Variants in OSBP2 observed in about 807,000 individuals in gnomAD.
OSBP2 encodes oxysterol-binding protein 2.
Under a neutral mutation model 96.0 loss-of-function variants are expected in OSBP2, and 66 were observed. The ratio of observed to expected loss-of-function variants is 0.69; its 90% confidence interval spans 0.56 to 0.84. The LOEUF (loss-of-function observed/expected upper bound fraction) is 0.84. OSBP2 is among the 40% of genes least tolerant of loss of function. OSBP2 has a pLI of 0.00. For synonymous variants in OSBP2, 525 were observed against 520.9 expected, an observed-to-expected ratio of 1.01 and a Z score of -0.11; for missense variants, 1,038 against 1,222.7, an observed-to-expected ratio of 0.85 and a Z score of 2.25.
chr22:30,868,068 A>G (rs532607792), intron 2 of OSBP2, among the ~76,000 whole-genome samples: 4 of 152,342 alleles, frequency 2.6e-5, no homozygotes, highest in South Asian at 2.1e-4. Flanking sequence ...GGCAATTTCA[A>G]TGTACCTTTC....
Position 30,871,086 on chromosome 22 carries a change from G to A in OSBP2, c.1107+404G>A, listed in dbSNP as rs1003948274. On this transcript the variant is annotated intron_variant, in intron 3 of 13. Transcript: ENST00000332585. The surrounding 1 kb of genome is among the most constrained non-coding windows in gnomAD (Gnocchi z 4.7). ...TCCTCCTCCCTGGGTTCACTCCCCA[G>A]ATGCAGTGGGAGCAGACGCTGTGCA... Among the ~76,000 whole-genome samples the A allele has an allele frequency of 6.6e-6, 1 of 152,122 alleles. No homozygotes were observed. Among genetic ancestry groups the A allele is most frequent in the Non-Finnish European group, 1.5e-5 (1 of 68,020 alleles).
chr22:30,808,596 C>G (rs1295247147), intron 2 of OSBP2, among the ~76,000 whole-genome samples: 1 of 152,182 alleles, frequency 6.6e-6, no homozygotes, highest in Non-Finnish European at 1.5e-5. Flanking sequence ...CAGATGGAAT[C>G]AAGTCAAGAT....
At chr22:30,902,610 G>T in intron 12 of OSBP2, 9 of 686,780 alleles carry the variant, frequency 1.3e-5, no homozygotes. Context: ...TCCCTTCCAC[G>T]ATCCAACATG....
At position 30,712,047 on chromosome 22, in the gene OSBP2, A is replaced by G. The variant is rs143720900; in HGVS notation, c.644+16494A>G. 5.4e-3 allele frequency among the ~76,000 whole-genome samples: 815 copies of G among 152,304 alleles called. 7 individuals are homozygous for G. Among genetic ancestry groups the G allele is most frequent in the African/African-American group, 0.018 (766 of 41,556 alleles). ...CCAACACTGGTGTAATACACAGGAT[A>G]ATGCAAGTGACCCAAACGGAGATCA... On this transcript the variant is annotated intron_variant, in intron 1 of 13. Coordinates refer to ENST00000332585, the MANE Select transcript of OSBP2 (RefSeq NM_030758.4).
intron 12 of OSBP2, chr22:30,894,288 T>G: frequency 2.8e-6 from 1 of 357,082 alleles, no homozygotes; most frequent in East Asian, 4.7e-5. Flanking sequence ...CCACAGGAAA[T>G]AGAAAACTAT....
At chr22:30,880,435 G>A (rs1380937573) in intron 3 of OSBP2, among the ~76,000 whole-genome samples, 2 of 152,210 alleles carry the variant, frequency 1.3e-5, no homozygotes, top group African/African-American at 4.8e-5. Flanking sequence ...TCCTGTGTGT[G>A]CTAATGGCTG....
At chr22:30,835,846 T>C (rs1249421992) in intron 2 of OSBP2, among the ~76,000 whole-genome samples, 1 of 151,810 alleles carries the variant, frequency 6.6e-6, no homozygotes, top group East Asian at 1.9e-4. Context: ...GCCTCCCAAG[T>C]AGCTGGGACT....
intron 3 of OSBP2, among the ~76,000 whole-genome samples, chr22:30,879,678 G>A (rs2039659566): frequency 1.3e-5 from 2 of 152,234 alleles, no homozygotes; most frequent in Non-Finnish European, 1.5e-5. Context: ...TCTGGGTCTT[G>A]GACACTTAAG....
At chr22:30,848,152 T>G (rs1319741186) in intron 2 of OSBP2, among the ~76,000 whole-genome samples, 2 of 152,196 alleles carry the variant, frequency 1.3e-5, no homozygotes, top group African/African-American at 4.8e-5. Context: ...TTTCATAGTT[T>G]AAATAACCAG....
intron 2 of OSBP2, among the ~76,000 whole-genome samples, chr22:30,821,590 G>C (rs868189717): frequency 1.3e-5 from 2 of 152,100 alleles, no homozygotes; most frequent in South Asian, 4.2e-4. Context: ...ATGGGGGTGC[G>C]GGGATAGGGA....
At chr22:30,753,848 T>A (rs2090108407) in intron 2 of OSBP2, among the ~76,000 whole-genome samples, 1 of 152,236 alleles carries the variant, frequency 6.6e-6, no homozygotes, top group Non-Finnish European at 1.5e-5. Context: ...TTGAAAGCAG[T>A]GAAGCAAGCA....
At chr22:30,895,903 ACT>A (rs1312515970) in intron 12 of OSBP2, among the ~76,000 whole-genome samples, 1 of 147,294 alleles carries the variant, frequency 6.8e-6, no homozygotes, top group East Asian at 2.0e-4. Flanking sequence ...GTGCCACTGC[ACT>A]CTAGCCTGGG....
At chr22:30,806,616 G>C (rs545776155) in intron 2 of OSBP2, among the ~76,000 whole-genome samples, 9 of 152,304 alleles carry the variant, frequency 5.9e-5, no homozygotes, top group African/African-American at 2.2e-4. Flanking sequence ...AGGTGTTGGG[G>C]GGAGGAGAGA....
At chr22:30,904,483 G>A (rs1372411203) in intron 12 of OSBP2, among the ~76,000 whole-genome samples, 1 of 152,182 alleles carries the variant, frequency 6.6e-6, no homozygotes, top group Non-Finnish European at 1.5e-5. Context: ...ATTTTTAAAT[G>A]TAAGAATGGA....
intron 2 of OSBP2, among the ~76,000 whole-genome samples, chr22:30,758,861 A>C (rs1025152789): frequency 6.6e-6 from 1 of 152,212 alleles, no homozygotes; most frequent in African/African-American, 2.4e-5. Context: ...ACCAGAAAAA[A>C]ACAGGAAATC....
chr22:30,724,159 T>G (rs2089603235), intron 1 of OSBP2, among the ~76,000 whole-genome samples: 1 of 152,202 alleles, frequency 6.6e-6, no homozygotes, highest in Non-Finnish European at 1.5e-5. Context: ...ATTTAGCCTT[T>G]TTGGATTGGC....
At chr22:30,725,107 C>T (rs1268789671) in intron 1 of OSBP2, among the ~76,000 whole-genome samples, 3 of 146,020 alleles carry the variant, frequency 2.1e-5, no homozygotes, top group Admixed American at 7.1e-5. Flanking sequence ...ACCCAGGAGG[C>T]GGATCTTGCA....
At chr22:30,895,275 AAAAC>A (rs1264608039) in intron 12 of OSBP2, among the ~76,000 whole-genome samples, 6 of 152,190 alleles carry the variant, frequency 3.9e-5, no homozygotes, top group Admixed American at 2.6e-4. Flanking sequence ...AAGAAGAAAA[AAAAC>A]AAAGAGGGAG....
intron 1 of OSBP2, among the ~76,000 whole-genome samples, chr22:30,731,106 G>A (rs912752862): frequency 3.3e-5 from 5 of 151,714 alleles, no homozygotes; most frequent in Non-Finnish European, 7.4e-5. Context: ...CCCAGGAGGT[G>A]GAGGTTGCAG....
Sources: gnomAD v4.1 joint callset for allele counts (sites outside exome capture counted in the v4.1 genomes callset) on GRCh38, gnomAD v4.1.1 for gene constraint, Gnocchi (gnomAD v3.1) non-coding constraint, MANE v1.5 for transcripts, NCBI Gene and HGNC (gene_info 2026-07-23, HGNC 2026-07-21) for gene names.